The following SPTSSB variants were observed in gnomAD, a reference collection of about 807,000 sequenced individuals.
SPTSSB encodes serine palmitoyltransferase small subunit B.
Under a neutral mutation model 7.7 loss-of-function variants are expected in SPTSSB, and 6 were observed. The observed-to-expected ratio is 0.78, with a 90% CI of 0.43 to 1.54. The LOEUF (loss-of-function observed/expected upper bound fraction) is 1.54. SPTSSB is among the 40% of genes most tolerant of loss of function. The probability of loss-of-function intolerance (pLI) is 0.01; values close to 1 mark genes in which losing one functional copy is unlikely to be tolerated. For synonymous variants in SPTSSB, 28 were observed against 29.7 expected, an observed-to-expected ratio of 0.94 and a Z score of 0.19; for missense variants, 91 against 93.0, an observed-to-expected ratio of 0.98 and a Z score of 0.09.
chr3:161,353,007 G>A (rs943099559), intron 2 of SPTSSB, among the ~76,000 whole-genome samples: 3 of 151,926 alleles, frequency 2.0e-5, no homozygotes, highest in African/African-American at 7.3e-5. Flanking sequence ...TTCCAGGATG[G>A]GAACACCTGG....
intron 1 of SPTSSB, among the ~76,000 whole-genome samples, chr3:161,364,176 T>C (rs1187978968): frequency 1.3e-5 from 2 of 152,038 alleles, no homozygotes; most frequent in African/African-American, 4.8e-5. Context: ...AGTCATAGCC[T>C]AGTAACAACG....
Position 161,345,764 on chromosome 3 carries a change from G to C in SPTSSB, c.*329C>G. Reference sequence around the variant, plus strand: ...AGCACTTTAAGCATGATTCTGGTAGGTCTGTTAGGAGTCTATTTTCCAGAA... The same window carrying C: ...AGCACTTTAAGCATGATTCTGGTAGCTCTGTTAGGAGTCTATTTTCCAGAA... On this transcript the variant is annotated 3_prime_UTR_variant, in exon 3 of 3. Transcript: ENST00000620149. The C allele has an allele frequency of 4.3e-6, 1 of 232,902 alleles. No homozygotes were observed. Among genetic ancestry groups the C allele is most frequent in the South Asian group, 5.8e-5 (1 of 17,316 alleles). 14.4% of individuals were successfully genotyped at this position (232,902 alleles called of 1,614,324 possible).
At chr3:161,369,156 G>T (rs1182005236) in intron 1 of SPTSSB, among the ~76,000 whole-genome samples, 1 of 151,976 alleles carries the variant, frequency 6.6e-6, no homozygotes, top group Non-Finnish European at 1.5e-5. Context: ...CTTCTATAGC[G>T]ATTGCACCAT....
chr3:161,369,352 C>CTTTCTTTCTTTCTTTCTTTCTT (rs71149709), intron 1 of SPTSSB, among the ~76,000 whole-genome samples: 15 of 50,756 alleles, frequency 3.0e-4, no homozygotes, highest in Admixed American at 9.7e-4. Context: ...TTCTTTCTTT[C>CTTTCTTTCTTTCTTTCTTTCTT]TCTTTCTTTC....
intron 1 of SPTSSB, among the ~76,000 whole-genome samples, chr3:161,361,406 A>G (rs1715010750): frequency 6.6e-6 from 1 of 152,182 alleles, no homozygotes; most frequent in Non-Finnish European, 1.5e-5. Context: ...CACCGATTCT[A>G]AGATAGTATT....
At chr3:161,364,186 G>A (rs112008613) in intron 1 of SPTSSB, among the ~76,000 whole-genome samples, 48 of 151,804 alleles carry the variant, frequency 3.2e-4, no homozygotes, top group African/African-American at 8.9e-4. Context: ...TAGTAACAAC[G>A]CCAGAATAAT....
At position 161,346,348 on chromosome 3, in the gene SPTSSB, A is replaced by C; in HGVS notation, c.-25T>G. The C allele has an allele frequency of 6.6e-7, 1 of 1,514,248 alleles. No homozygotes were observed. Among genetic ancestry groups the C allele is most frequent in the South Asian group, 1.1e-5 (1 of 89,074 alleles). 93.8% of individuals were successfully genotyped at this position (1,514,248 alleles called of 1,614,324 possible). ...TGGTTGGCTCCTTCAAGCTGCAGTAAGTTTGTCCTGTTAAAGAATGTAACA... is the reference window on the plus strand; with the variant it reads ...TGGTTGGCTCCTTCAAGCTGCAGTACGTTTGTCCTGTTAAAGAATGTAACA... On this transcript the variant is annotated 5_prime_UTR_variant, in exon 3 of 3. Transcript: ENST00000620149.
intron 1 of SPTSSB, among the ~76,000 whole-genome samples, chr3:161,363,084 T>C (rs1456988465): frequency 1.3e-5 from 2 of 152,024 alleles, no homozygotes; most frequent in East Asian, 3.9e-4. Context: ...AAGTACTAGA[T>C]TAGAAAGTTA....
chr3:161,359,603 T>G, intron 2 of SPTSSB, 199 bp downstream of exon 2: 12 of 506,138 alleles, frequency 2.4e-5, no homozygotes, highest in Non-Finnish European at 3.1e-5. Context: ...ATCCGTAAGT[T>G]GAGACCTCCA....
intron 2 of SPTSSB, among the ~76,000 whole-genome samples, chr3:161,353,917 C>A (rs1278207116): frequency 6.6e-6 from 1 of 152,048 alleles, no homozygotes; most frequent in South Asian, 2.1e-4. Context: ...CCTTTGGCAA[C>A]CAATTCCTCA....
At chr3:161,357,640 T>C (rs1008315191) in intron 2 of SPTSSB, among the ~76,000 whole-genome samples, 1 of 152,148 alleles carries the variant, frequency 6.6e-6, no homozygotes, top group African/African-American at 2.4e-5. Flanking sequence ...GTCTTTGTAG[T>C]TCAATTAAGT....
chr3:161,371,303 G>C (rs1715499394), intron 1 of SPTSSB, 132 bp downstream of exon 1: 1 of 582,790 alleles, frequency 1.7e-6, no homozygotes, highest in African/African-American at 2.0e-5. Context: ...TCTGAAAATT[G>C]TAATGCAGTT....
intron 1 of SPTSSB, among the ~76,000 whole-genome samples, chr3:161,366,419 G>A (rs1397978743): frequency 6.6e-6 from 1 of 152,106 alleles, no homozygotes; most frequent in African/African-American, 2.4e-5. Context: ...AGCAAATATA[G>A]GCAGCAAAAT....
intron 1 of SPTSSB, among the ~76,000 whole-genome samples, chr3:161,364,757 G>T (rs1040739646): frequency 6.6e-6 from 1 of 151,640 alleles, no homozygotes; most frequent in South Asian, 2.1e-4. Context: ...TTTCTATGAG[G>T]CACAATTAGA....
intron 1 of SPTSSB, among the ~76,000 whole-genome samples, chr3:161,362,892 C>G (rs1715065975): frequency 6.6e-6 from 1 of 151,794 alleles, no homozygotes; most frequent in South Asian, 2.1e-4. Flanking sequence ...TCTGTTGCAG[C>G]TTTATACAAT....
intron 2 of SPTSSB, chr3:161,359,398 T>C (rs336592): frequency 0.087 from 13,237 of 152,204 alleles, 705 homozygotes; most frequent in East Asian, 0.24. Context: ...CTTTAACCAG[T>C]AGACCCATAA....
intron 1 of SPTSSB, among the ~76,000 whole-genome samples, chr3:161,363,783 A>T (rs1715106676): frequency 6.6e-6 from 1 of 152,124 alleles, no homozygotes; most frequent in South Asian, 2.1e-4. Flanking sequence ...TTTTCTAATC[A>T]TCTTTCTAAT....
chr3:161,346,313 C>T lies in SPTSSB; in HGVS notation c.11G>A (p.Arg4Lys). MDL[R>K]RVKEYFSWLY... ...CCAGGAGAAATATTCCTTCACACGC[C>T]TCAAATCCATGGTTGGCTCCTTCAA... The change falls in exon 3 of 3, where the codon AGG becomes AAG. Residue 4 changes from arginine (R) to lysine (K), a missense_variant. By Grantham distance (26) the Arg-to-Lys change is conservative (BLOSUM62 2). Coordinates refer to ENST00000620149, the MANE Select transcript of SPTSSB (RefSeq NM_001040100.2). The T allele has an allele frequency of 6.2e-7, 1 of 1,610,462 alleles. No homozygotes were observed. The highest frequency in any genetic ancestry group is 8.5e-7 in the Non-Finnish European group (1 of 1,176,868).
intron 1 of SPTSSB, among the ~76,000 whole-genome samples, chr3:161,368,051 G>T (rs1476419272): frequency 2.6e-5 from 4 of 152,214 alleles, no homozygotes; most frequent in Non-Finnish European, 5.9e-5. Flanking sequence ...GTGGAGAAAA[G>T]TTTGGGCAGG....
Sources: gnomAD v4.1 joint callset for allele counts (sites outside exome capture counted in the v4.1 genomes callset) on GRCh38, gnomAD v4.1.1 for gene constraint, MANE v1.5 for transcripts, NCBI Gene and HGNC (gene_info 2026-07-23, HGNC 2026-07-21) for gene names.